The following TMEM131 variants were observed in gnomAD, a reference collection of about 807,000 sequenced individuals.
The protein encoded by TMEM131 is transmembrane protein 131.
Under a neutral mutation model 211.6 loss-of-function variants are expected in TMEM131, and 66 were observed. The observed-to-expected ratio is 0.31, with a 90% CI of 0.26 to 0.38. The LOEUF (loss-of-function observed/expected upper bound fraction) is 0.38. Among genes scored for constraint, TMEM131 ranks in the 10% least tolerant of loss-of-function variants. The pLI is 1.00. For missense variants in TMEM131, 2,036 were observed against 2,299.3 expected, an observed-to-expected ratio of 0.89 and a Z score of 2.34; for synonymous variants, 844 against 841.3, an observed-to-expected ratio of 1.00 and a Z score of -0.06.
At chr2:97,965,856 G>A (rs1679033202) in intron 1 of TMEM131, among the ~76,000 whole-genome samples, 1 of 151,690 alleles carries the variant, frequency 6.6e-6, no homozygotes. Flanking sequence ...TGATTTAAAT[G>A]TAACCCTGAA....
intron 5 of TMEM131, among the ~76,000 whole-genome samples, chr2:97,855,529 A>G (rs2105160452): frequency 6.6e-6 from 1 of 152,222 alleles, no homozygotes; most frequent in East Asian, 1.9e-4. Flanking sequence ...GCAAAACTCC[A>G]TCTCTACCAA....
chr2:97,827,345 A>G (rs1387833913), intron 11 of TMEM131: 18 of 817,786 alleles, frequency 2.2e-5, no homozygotes, highest in Non-Finnish European at 4.0e-5. Flanking sequence ...GCAAAAGTGG[A>G]AGCAAAGCCG....
At chr2:97,870,611 G>A (rs903996064) in intron 4 of TMEM131, among the ~76,000 whole-genome samples, 3 of 152,212 alleles carry the variant, frequency 2.0e-5, no homozygotes, top group Non-Finnish European at 4.4e-5. Context: ...AGCTTGGAAA[G>A]TAAACTGCAA....
intron 13 of TMEM131, among the ~76,000 whole-genome samples, chr2:97,814,940 T>A (rs1681746548): frequency 1.3e-5 from 2 of 152,170 alleles, no homozygotes; most frequent in African/African-American, 4.8e-5. Context: ...TAAATAATAT[T>A]TAAAAAATCA....
chr2:97,839,054 T>C (rs1304839664), intron 7 of TMEM131, among the ~76,000 whole-genome samples: 1 of 152,100 alleles, frequency 6.6e-6, no homozygotes, highest in African/African-American at 2.4e-5. Flanking sequence ...CCAGACTCAG[T>C]GGCTCATGCC....
At chr2:97,894,380 T>C (rs1267466490) in intron 3 of TMEM131, among the ~76,000 whole-genome samples, 1 of 152,206 alleles carries the variant, frequency 6.6e-6, no homozygotes, top group Non-Finnish European at 1.5e-5. Context: ...TTTCGTTCCA[T>C]ATGAAGTTTA....
At chr2:97,884,028 T>A (rs2104225432) in intron 4 of TMEM131, among the ~76,000 whole-genome samples, 1 of 152,020 alleles carries the variant, frequency 6.6e-6, no homozygotes, top group African/African-American at 2.4e-5. Context: ...TTATTTGAAA[T>A]CTTTCTAGTT....
At chr2:97,909,207 AAT>A (rs1393218969) in intron 2 of TMEM131, among the ~76,000 whole-genome samples, 1 of 152,230 alleles carries the variant, frequency 6.6e-6, no homozygotes, top group African/African-American at 2.4e-5. Flanking sequence ...CTGAAGAGAC[AAT>A]ATTTACATAA....
rs539165966 is a variant in TMEM131, at chr2:97,975,403, G to A, written c.187+20073C>T. On this transcript the variant is annotated intron_variant, in intron 1 of 40. Coordinates refer to ENST00000186436, the MANE Select transcript of TMEM131 (RefSeq NM_015348.2). ...CAGTCTGATCAAGAAAAAAACGACA[G>A]AAAACACAAATTATAAGTTTCAGGA... 3.9e-5 allele frequency among the ~76,000 whole-genome samples: 6 copies of A among 152,098 alleles called. No individual in the cohort carries two copies. The South Asian group carries it at 1.2e-3, about 31-fold the overall frequency.
At chr2:97,993,669 C>T (rs1279210122) in intron 1 of TMEM131, among the ~76,000 whole-genome samples, 2 of 152,208 alleles carry the variant, frequency 1.3e-5, no homozygotes, top group African/African-American at 4.8e-5. Context: ...GCTGATTCAA[C>T]CACCCCTTTA....
At chr2:97,839,676 G>A (rs1683103736) in intron 7 of TMEM131, among the ~76,000 whole-genome samples, 1 of 152,238 alleles carries the variant, frequency 6.6e-6, no homozygotes, top group Non-Finnish European at 1.5e-5. Flanking sequence ...CAAAAGTGGT[G>A]TCCACGAGGA....
At chr2:97,948,007 G>T (rs1028615672) in intron 1 of TMEM131, among the ~76,000 whole-genome samples, 8 of 152,144 alleles carry the variant, frequency 5.3e-5, no homozygotes, top group African/African-American at 1.9e-4. Flanking sequence ...AGAGAATCTG[G>T]ATGCTCCAAA....
At chr2:97,914,438 C>T (rs1676423073) in intron 2 of TMEM131, among the ~76,000 whole-genome samples, 1 of 152,162 alleles carries the variant, frequency 6.6e-6, no homozygotes, top group African/African-American at 2.4e-5. Context: ...ACACAATTTT[C>T]TCTGCTGTGT....
intron 5 of TMEM131, among the ~76,000 whole-genome samples, chr2:97,852,169 T>G (rs1002836214): frequency 3.3e-5 from 5 of 151,542 alleles, no homozygotes; most frequent in Non-Finnish European, 7.4e-5. Context: ...CTCTTTTTTT[T>G]TTTTTTTTTT....
At chr2:97,942,998 GAAAGAAAAGAAAGA>G (rs1559464061) in intron 1 of TMEM131, among the ~76,000 whole-genome samples, 3 of 34,044 alleles carry the variant, frequency 8.8e-5, no homozygotes, top group African/African-American at 3.1e-4. Context: ...AGAAAGAAAA[GAAAGAAAAGAAAGA>G]AAAGAAAAGA....
chr2:97,787,077 CATTTCTGACTTTT>C (rs1228837308), intron 31 of TMEM131, among the ~76,000 whole-genome samples: 1 of 152,178 alleles, frequency 6.6e-6, no homozygotes, highest in Non-Finnish European at 1.5e-5. Flanking sequence ...CACCAAAAAC[CATTTCTGACTTTT>C]ATTCATTGTT....
At chr2:97,872,627 CTG>C (rs1456557012) in intron 4 of TMEM131, among the ~76,000 whole-genome samples, 1 of 152,190 alleles carries the variant, frequency 6.6e-6, no homozygotes, top group African/African-American at 2.4e-5. Context: ...ATCACCTCAT[CTG>C]TGAAGCACAA....
chr2:97,852,259 T>A (rs1673655085), intron 5 of TMEM131, among the ~76,000 whole-genome samples: 1 of 151,516 alleles, frequency 6.6e-6, no homozygotes, highest in South Asian at 2.1e-4. Context: ...CCTTCCAGGT[T>A]CAAGCGATTC....
intron 11 of TMEM131, among the ~76,000 whole-genome samples, chr2:97,821,532 T>C (rs1682120125): frequency 6.6e-6 from 1 of 152,192 alleles, no homozygotes; most frequent in South Asian, 2.1e-4. Flanking sequence ...ACTACCTTTA[T>C]GAGCTGTAAC....
Sources: allele counts gnomAD v4.1 joint callset (sites outside exome capture counted in the v4.1 genomes callset), GRCh38; gene constraint gnomAD v4.1.1; transcripts MANE v1.5; gene names NCBI Gene and HGNC (gene_info 2026-07-23, HGNC 2026-07-21).